Variants in CHD2 observed in about 807,000 individuals in gnomAD.
The protein encoded by CHD2 is ATP-dependent chromatin remodeler CHD2.
In CHD2, 28 loss-of-function variants were observed where a neutral mutation model predicts 243.9. The ratio of observed to expected loss-of-function variants is 0.11; its 90% CI spans 0.09 to 0.16. The LOEUF (loss-of-function observed/expected upper bound fraction) is 0.16. Among genes scored for constraint, CHD2 ranks in the 10% least tolerant of loss-of-function variants. The pLI is 1.00. For missense variants in CHD2, 1,386 were observed against 2,209.8 expected (o/e 0.63, Z 7.47); for synonymous variants, 775 against 779.0 (o/e 0.99, Z 0.09).
In CHD2 at chr15:92,955,519, A is replaced by G. The variant is rs747465957; in HGVS notation, c.1809+7A>G. The stretch of plus-strand genomic sequence containing the variant: ...GATCCTCTTGAAAGATAAGGTGTGT[A>G]ATTAATATCTAAAAGGCTAAATCTT... On this transcript the variant is annotated splice_region_variant and intron_variant, in intron 15 of 38. Transcript: ENST00000394196. The G allele has an allele frequency of 2.6e-6, 4 of 1,565,478 alleles. No individual in the cohort carries two copies. Among genetic ancestry groups the G allele is most frequent in the South Asian group, 1.2e-5 (1 of 85,364 alleles).
In CHD2 at chr15:93,027,183, A is replaced by G. The variant is rs1047036940; in HGVS notation, c.*2478A>G. On this transcript the variant is annotated 3_prime_UTR_variant, in exon 39 of 39. Coordinates refer to ENST00000394196, the MANE Select transcript of CHD2 (RefSeq NM_001271.4). ...TCTTCATTGATTTAAATCAGTATGA[A>G]TATTATATGCCTAAATAAAAAATTT... 6.6e-6 allele frequency: 1 copy of G among 152,652 alleles called. No individual in the cohort carries two copies. The highest frequency in any genetic ancestry group is 1.5e-5 in the Non-Finnish European group (1 of 68,036). The allele number at this position is 152,652 out of a possible 1,614,324, so 9.5% of individuals were successfully genotyped here.
At chr15:92,976,602 A>G (rs1282860841) in intron 20 of CHD2, among the ~76,000 whole-genome samples, 1 of 151,430 alleles carries the variant, frequency 6.6e-6, no homozygotes, top group Non-Finnish European at 1.5e-5. Flanking sequence ...GGATCACTTG[A>G]GACCAGGAGT....
At chr15:92,960,376 A>G (rs1233601421) in intron 16 of CHD2, among the ~76,000 whole-genome samples, 1 of 152,154 alleles carries the variant, frequency 6.6e-6, no homozygotes, top group African/African-American at 2.4e-5. Flanking sequence ...TCTTAAATAG[A>G]AATGGTGGGA....
At chr15:92,924,576 A>C in intron 3 of CHD2, 24 bp downstream of exon 3, 1 of 1,596,816 alleles carries the variant, frequency 6.3e-7, no homozygotes, top group South Asian at 1.1e-5. Flanking sequence ...CCTGCAGTAC[A>C]AATGTGCTGC....
chr15:92,941,109 C>T (rs1017690149), intron 7 of CHD2, among the ~76,000 whole-genome samples: 2 of 150,108 alleles, frequency 1.3e-5, no homozygotes, highest in East Asian at 2.0e-4. Context: ...TCAAGTGATT[C>T]TGCTGCCTCA....
rs545959732 is a variant in CHD2 at position 93,025,200 on chromosome 15, T to G, written c.*495T>G. ...GATGCTGCTGATGGGGAGTGGCGAGTTGGGGCAAGCGGGTGGGGACAAGCA... is the reference window on the plus strand; with the variant it reads ...GATGCTGCTGATGGGGAGTGGCGAGGTGGGGCAAGCGGGTGGGGACAAGCA... On this transcript the variant is annotated 3_prime_UTR_variant, in exon 39 of 39. Transcript: ENST00000394196. 4.5e-5 allele frequency: 7 copies of G among 154,560 alleles called. No individual in the cohort carries two copies. The South Asian group carries it at 1.4e-3, about 31-fold the overall frequency. The allele number at this position is 154,560 out of a possible 1,614,324, so 9.6% of individuals were successfully genotyped here. A position where few individuals can be genotyped will look rare whatever the true frequency, so the allele number is the denominator to read the frequency against.
Position 93,004,627 on chromosome 15 carries a change from G to A in CHD2, c.4289G>A (p.Gly1430Asp). 1 of 1,611,498 alleles carries A rather than the reference G, an allele frequency of 6.2e-7. No homozygotes were observed. Among genetic ancestry groups the A allele is most frequent in the South Asian group, 1.1e-5 (1 of 90,676 alleles). Reference protein sequence around the residue: ...SKDKKEKPKSGDAKSSSKSKR... With the variant: ...SKDKKEKPKSDDAKSSSKSKR... The stretch of plus-strand genomic sequence containing the variant: ...ACTCTTTTTTAAAAGCCTAAAAGTG[G>A]TGATGCCAAATCTTCGAGTAAATCA... The change falls in exon 34 of 39, where the codon GGT becomes GAT. Residue 1430 changes from glycine to aspartate, a missense_variant. Gly to Asp is a moderately conservative substitution (Grantham distance 94). Transcript: ENST00000394196.
chr15:92,966,986 G>A (rs1417904045), intron 16 of CHD2, among the ~76,000 whole-genome samples: 2 of 152,026 alleles, frequency 1.3e-5, no homozygotes, highest in Non-Finnish European at 2.9e-5. Context: ...GTATCCATTG[G>A]CAGTACTGGC....
chr15:92,974,039 C>G (rs550053435), intron 19 of CHD2: 1 of 152,280 alleles, frequency 6.6e-6, no homozygotes, highest in African/African-American at 2.4e-5. Flanking sequence ...AGTCACCTTT[C>G]AGGTTAGTTT....
chr15:92,918,164 G>A (rs1055379088), intron 2 of CHD2, among the ~76,000 whole-genome samples: 1 of 152,202 alleles, frequency 6.6e-6, no homozygotes, highest in African/African-American at 2.4e-5. Context: ...GGAACAGTAA[G>A]TGTTAATGGC....
chr15:92,991,391 A>G (rs1285041246), intron 26 of CHD2, 85 bp from the exon 27 acceptor site: 4 of 991,684 alleles, frequency 4.0e-6, no homozygotes, highest in African/African-American at 3.3e-5. Flanking sequence ...TGCATGGCTC[A>G]TATGTCATCA....
intron 17 of CHD2, among the ~76,000 whole-genome samples, chr15:92,970,091 T>G (rs2053821309): frequency 6.6e-6 from 1 of 152,196 alleles, no homozygotes; most frequent in African/African-American, 2.4e-5. Context: ...GTTTTTAAAT[T>G]ATAGTATTTG....
chr15:92,930,792 G>C (rs1281104834), intron 5 of CHD2, among the ~76,000 whole-genome samples: 1 of 152,050 alleles, frequency 6.6e-6, no homozygotes, highest in Non-Finnish European at 1.5e-5. Context: ...TTCTTTTCCT[G>C]AGTAGAACCT....
At chr15:92,953,318 A>G in intron 13 of CHD2, 39 bp from the exon 14 acceptor site, 2 of 1,560,816 alleles carry the variant, frequency 1.3e-6, no homozygotes, top group African/African-American at 1.4e-5. Flanking sequence ...TTGGTGAACT[A>G]ATGATTTTTT....
intron 5 of CHD2, among the ~76,000 whole-genome samples, chr15:92,930,534 T>C (rs2053147372): frequency 1.3e-5 from 2 of 152,066 alleles, no homozygotes; most frequent in South Asian, 2.1e-4. Context: ...CTGGACTTAA[T>C]TGACCCACCT....
rs55738843 is a variant in CHD2, at chr15:92,999,083, C to CAAAAAAA, written c.4008+490_4008+496dup. Among the ~76,000 whole-genome samples the CAAAAAAA allele has an allele frequency of 3.4e-3, 223 of 65,530 alleles. 11 individuals are homozygous for CAAAAAAA. The highest frequency in any genetic ancestry group is 5.1e-3 in the Non-Finnish European group (192 of 37,872). 43.0% of individuals were successfully genotyped at this position (65,530 alleles called of 152,430 possible). A position where few individuals can be genotyped will look rare whatever the true frequency, so the allele number is the denominator to read the frequency against. On this transcript the variant is annotated intron_variant, in intron 31 of 38. Coordinates refer to ENST00000394196, the MANE Select transcript of CHD2 (RefSeq NM_001271.4). Reference sequence around the variant, plus strand: ...TGGGCAACAGAGCGAGACTCCGTCTCAAAAAAAAAAAAAAAAAAAAAAAAA... The same window carrying CAAAAAAA: ...TGGGCAACAGAGCGAGACTCCGTCTCAAAAAAAAAAAAAAAAAAAAAAAAAAAAAAAA...
intron 24 of CHD2, 52 bp from the exon 25 acceptor site, chr15:92,984,278 A>T: frequency 7.2e-7 from 1 of 1,388,440 alleles, no homozygotes; most frequent in Non-Finnish European, 9.5e-7. Flanking sequence ...TTGTTTTAGT[A>T]GATGGTGTTT....
chr15:92,976,584 A>G (rs563343084), intron 20 of CHD2, among the ~76,000 whole-genome samples: 240 of 151,440 alleles, frequency 1.6e-3, no homozygotes, highest in African/African-American at 5.4e-3. Flanking sequence ...GGAGGCCAAG[A>G]TGGGGGAGGA....
chr15:92,993,163 A>G (rs2054142602), intron 28 of CHD2, 165 bp downstream of exon 28: 1 of 639,486 alleles, frequency 1.6e-6, no homozygotes, highest in South Asian at 2.0e-5. Flanking sequence ...CTACTCTCCT[A>G]CAGGTCTACT....
Sources: allele counts gnomAD v4.1 joint callset (sites outside exome capture counted in the v4.1 genomes callset), GRCh38; gene constraint gnomAD v4.1.1; transcripts MANE v1.5; gene names NCBI Gene and HGNC (gene_info 2026-07-23, HGNC 2026-07-21).